The following SYNPR variants were observed in gnomAD, a reference collection of about 807,000 sequenced individuals.
SYNPR encodes synaptoporin.
A neutral mutation model predicts 32.9 loss-of-function variants in SYNPR; 23 were observed. The observed-to-expected ratio is 0.70, with a 90% CI of 0.50 to 0.99. The LOEUF is 0.99. Among genes scored for constraint, SYNPR ranks in the 50% least tolerant of loss-of-function variants. The pLI is 0.00. For missense variants in SYNPR, 318 were observed against 349.3 expected, an observed-to-expected ratio of 0.91 and a Z score of 0.71; for synonymous variants, 146 against 135.9, an observed-to-expected ratio of 1.07 and a Z score of -0.52.
chr3:63,463,560 A>T (rs564267024), intron 2 of SYNPR, among the ~76,000 whole-genome samples: 1 of 152,276 alleles, frequency 6.6e-6, no homozygotes, highest in Admixed American at 6.5e-5. Context: ...TCTCTGTCAG[A>T]GCAGAAGTTC....
chr3:63,571,429 C>G (rs935582152), intron 4 of SYNPR, among the ~76,000 whole-genome samples: 3 of 152,118 alleles, frequency 2.0e-5, no homozygotes, highest in Non-Finnish European at 4.4e-5. Context: ...TCCAAAACAT[C>G]CTTTCAGTCA....
chr3:63,508,733 A>T (rs1575682478), intron 3 of SYNPR, among the ~76,000 whole-genome samples: 1 of 152,098 alleles, frequency 6.6e-6, no homozygotes, highest in African/African-American at 2.4e-5. Context: ...GATTGGTCCA[A>T]CCTGAACCAC....
At chr3:63,517,301 C>T (rs761141509) in intron 3 of SYNPR, among the ~76,000 whole-genome samples, 3 of 152,092 alleles carry the variant, frequency 2.0e-5, no homozygotes, top group Non-Finnish European at 4.4e-5. Context: ...GCTTGAGATT[C>T]ATTGTGGCGG....
At chr3:63,317,288 T>C (rs1436276495) in intron 2 of SYNPR, among the ~76,000 whole-genome samples, 4 of 152,038 alleles carry the variant, frequency 2.6e-5, no homozygotes, top group African/African-American at 7.2e-5. Flanking sequence ...TGTTTCTTTG[T>C]TGACTTTCCA....
At position 63,480,937 on chromosome 3, in the gene SYNPR, G is replaced by A. The variant is rs958378467; in HGVS notation, c.190G>A (p.Ala64Thr). 15 of 1,612,602 alleles carry A rather than the reference G, an allele frequency of 9.3e-6. No homozygotes were observed. Among genetic ancestry groups the A allele is most frequent in the Non-Finnish European group, 1.2e-5 (14 of 1,179,070 alleles). ...KTESNLSIDIAFAYPFRLHQV... is the reference protein window; with the variant it reads ...KTESNLSIDITFAYPFRLHQV... ...AGAAAGTAACCTCAGCATCGACATA[G>A]CGTTTGCCTACCCATTCAGGTAGGG... is the stretch of plus-strand genomic sequence containing the variant. The change falls in exon 3 of 6, where the codon GCG becomes ACG. Residue 64 changes from alanine (A) to threonine (T), a missense_variant. Physicochemically the swap from Ala to Thr is moderately conservative, Grantham distance 58. Transcript: ENST00000478300.
intron 4 of SYNPR, among the ~76,000 whole-genome samples, chr3:63,559,836 T>C (rs1382606532): frequency 6.6e-6 from 1 of 152,158 alleles, no homozygotes. Flanking sequence ...TTGTAATGCA[T>C]ATACCATAAA....
intron 2 of SYNPR, among the ~76,000 whole-genome samples, chr3:63,453,690 A>G (rs1405647475): frequency 6.6e-6 from 1 of 152,158 alleles, no homozygotes; most frequent in Non-Finnish European, 1.5e-5. Context: ...TGAAGTTCAA[A>G]TCCTTGCTCC....
chr3:63,413,147 T>G (rs1457571748), intron 2 of SYNPR, among the ~76,000 whole-genome samples: 3 of 152,238 alleles, frequency 2.0e-5, no homozygotes, highest in African/African-American at 7.2e-5. Context: ...CTTGCTCACT[T>G]GTTAGAAACC....
At chr3:63,408,494 A>G (rs944377963) in intron 2 of SYNPR, among the ~76,000 whole-genome samples, 2 of 152,116 alleles carry the variant, frequency 1.3e-5, no homozygotes, top group African/African-American at 4.8e-5. Flanking sequence ...GTATGTCTCA[A>G]TCTAAGTCTG....
intron 4 of SYNPR, among the ~76,000 whole-genome samples, chr3:63,595,829 A>AAT (rs1431992274): frequency 4.9e-5 from 3 of 60,908 alleles, no homozygotes; most frequent in African/African-American, 2.2e-4. Flanking sequence ...TTATATATAT[A>AAT]TAGTTATATA....
chr3:63,284,837 T>C (rs2086665774), intron 2 of SYNPR, among the ~76,000 whole-genome samples: 1 of 152,238 alleles, frequency 6.6e-6, no homozygotes, highest in African/African-American at 2.4e-5. Context: ...ACCTTTGTCA[T>C]GCAGGCATCA....
chr3:63,259,463 A>T (rs2086418584), intron 2 of SYNPR, among the ~76,000 whole-genome samples: 1 of 152,100 alleles, frequency 6.6e-6, no homozygotes, highest in Non-Finnish European at 1.5e-5. Flanking sequence ...ACAGAACCAA[A>T]GACAAAAACC....
intron 2 of SYNPR, among the ~76,000 whole-genome samples, chr3:63,413,406 T>G (rs2088495746): frequency 6.6e-6 from 1 of 152,176 alleles, no homozygotes; most frequent in South Asian, 2.1e-4. Context: ...GGTCTTAAGT[T>G]AAATAATGAG....
At chr3:63,221,014 T>A in the SYNPR span, among the ~76,000 whole-genome samples, 6 of 152,298 alleles carry the variant, frequency 3.9e-5, no homozygotes, top group African/African-American at 1.2e-4. Context: ...CCCTGATCAA[T>A]GCACTAGGGT....
chr3:63,374,435 G>A (rs1339712758), intron 2 of SYNPR, among the ~76,000 whole-genome samples: 4 of 152,114 alleles, frequency 2.6e-5, no homozygotes, highest in African/African-American at 9.7e-5. Context: ...GTATACTTGA[G>A]GGTGGAGTGT....
chr3:63,435,600 C>T (rs1402990087), intron 2 of SYNPR, among the ~76,000 whole-genome samples: 1 of 152,200 alleles, frequency 6.6e-6, no homozygotes. Flanking sequence ...CTAGCACACC[C>T]TCCCATCTTC....
intron 3 of SYNPR, among the ~76,000 whole-genome samples, chr3:63,495,774 G>T (rs4688407): frequency 0.69 from 104,884 of 152,020 alleles, 37,356 homozygotes; most frequent in African/African-American, 0.88. Flanking sequence ...GATCAGTGGT[G>T]GCCAAAGGTT....
rs78954716 is a variant in SYNPR, at chr3:63,480,019, T to C, written c.85-813T>C. ...TTTAGAAATGACCAAGAAATTCTTT[T>C]GAGCTTAGCCAAATTATGAAATGAA... On this transcript the variant is annotated intron_variant, in intron 2 of 5. Transcript: ENST00000478300. Among the ~76,000 whole-genome samples, 114 of 152,352 alleles carry C rather than the reference T, an allele frequency of 7.5e-4. 2 individuals carry two copies. The East Asian group carries it at 0.014, about 19-fold the overall frequency.
intron 1 of SYNPR, among the ~76,000 whole-genome samples, chr3:63,246,409 G>T (rs1411452276): frequency 6.6e-6 from 1 of 152,068 alleles, no homozygotes; most frequent in Non-Finnish European, 1.5e-5. Flanking sequence ...AGCACCTACT[G>T]TGTAGCAGGC....
Sources: gnomAD v4.1 joint callset for allele counts (sites outside exome capture counted in the v4.1 genomes callset) on GRCh38, gnomAD v4.1.1 for gene constraint, MANE v1.5 for transcripts, NCBI Gene and HGNC (gene_info 2026-07-23, HGNC 2026-07-21) for gene names.